Variants in LRP1B observed in about 807,000 individuals in gnomAD.
The protein encoded by LRP1B is LDL receptor related protein 1B, also known as low-density lipoprotein receptor-related protein 1B.
A neutral mutation model predicts 556.6 loss-of-function variants in LRP1B; 217 were observed. The observed-to-expected ratio is 0.39, with a 90% CI of 0.35 to 0.44. The LOEUF is 0.44. Among genes scored for constraint, LRP1B ranks in the 20% least tolerant of loss-of-function variants. The probability of loss-of-function intolerance (pLI) is 1.00; values close to 1 mark genes in which losing one functional copy is unlikely to be tolerated. For synonymous variants in LRP1B, 2,047 were observed against 1,865.8 expected (o/e 1.10, Z -2.50); for missense variants, 5,053 against 5,620.8 (o/e 0.90, Z 3.23).
chr2:142,058,656 A>G (rs1337875629), intron 1 of LRP1B, among the ~76,000 whole-genome samples: 2 of 151,824 alleles, frequency 1.3e-5, no homozygotes, highest in African/African-American at 4.8e-5. Context: ...ATGATTGGAC[A>G]CCCCTGCTTT....
chr2:140,905,901 G>A (rs193078018), intron 22 of LRP1B, among the ~76,000 whole-genome samples: 316 of 152,006 alleles, frequency 2.1e-3, no homozygotes, highest in African/African-American at 6.6e-3. Flanking sequence ...ATCTATTTTC[G>A]TTTGTTTCTT....
At chr2:140,617,869 ACTTT>A (rs1683313456) in intron 41 of LRP1B, among the ~76,000 whole-genome samples, 2 of 152,020 alleles carry the variant, frequency 1.3e-5, no homozygotes, top group Middle Eastern at 3.2e-3. Flanking sequence ...ACTGTTGAGA[ACTTT>A]CTTTCTATTC....
chr2:141,241,607 T>TC (rs1231610007), intron 5 of LRP1B, among the ~76,000 whole-genome samples: 3 of 152,024 alleles, frequency 2.0e-5, no homozygotes, highest in Non-Finnish European at 2.9e-5. Flanking sequence ...CTTTTATTGA[T>TC]CCCCAACATC....
intron 41 of LRP1B, among the ~76,000 whole-genome samples, chr2:140,668,012 C>T (rs960696675): frequency 3.9e-5 from 6 of 151,984 alleles, no homozygotes; most frequent in African/African-American, 1.5e-4. Context: ...CTTCTTGTAG[C>T]TTAGAATGTT....
chr2:140,320,621 A>G (rs990414587), intron 82 of LRP1B, among the ~76,000 whole-genome samples: 7 of 151,664 alleles, frequency 4.6e-5, no homozygotes, highest in Non-Finnish European at 1.0e-4. Context: ...GAGAATGGGT[A>G]CTTGCTATGT....
intron 3 of LRP1B, among the ~76,000 whole-genome samples, chr2:141,389,751 A>G (rs1389098498): frequency 1.3e-5 from 2 of 152,218 alleles, no homozygotes; most frequent in South Asian, 2.1e-4. Flanking sequence ...AGGCTCTAGT[A>G]TACAAAATAT....
At chr2:141,736,757 C>A (rs962452017) in intron 2 of LRP1B, among the ~76,000 whole-genome samples, 1 of 152,144 alleles carries the variant, frequency 6.6e-6, no homozygotes, top group Non-Finnish European at 1.5e-5. Context: ...ATTTGCATCA[C>A]CTTTTCTCAG....
chr2:141,410,915 A>G (rs1280143209), intron 3 of LRP1B, among the ~76,000 whole-genome samples: 2 of 151,966 alleles, frequency 1.3e-5, no homozygotes, highest in Admixed American at 1.3e-4. Context: ...TGGTGCTCCT[A>G]TTCTTGCTAT....
intron 76 of LRP1B, among the ~76,000 whole-genome samples, chr2:140,352,490 T>A (rs895533943): frequency 3.3e-5 from 5 of 152,114 alleles, no homozygotes; most frequent in Admixed American, 1.3e-4. Flanking sequence ...TTAATCTTTT[T>A]AAAAAATAAT....
At chr2:140,520,548 C>T (rs2200446) in intron 49 of LRP1B, among the ~76,000 whole-genome samples, 111,214 of 151,704 alleles carry the variant, frequency 0.73, 41,272 homozygotes, top group Middle Eastern at 0.89. Flanking sequence ...GGCACATGTA[C>T]ACATATGTAA....
intron 1 of LRP1B, among the ~76,000 whole-genome samples, chr2:142,007,359 G>A (rs562466628): frequency 1.3e-5 from 2 of 152,202 alleles, no homozygotes; most frequent in South Asian, 2.1e-4. Context: ...CTAAAATTTA[G>A]TGTCAAAGTT....
intron 2 of LRP1B, among the ~76,000 whole-genome samples, chr2:141,688,346 T>A (rs1306189945): frequency 1.3e-5 from 2 of 151,912 alleles, no homozygotes; most frequent in Non-Finnish European, 2.9e-5. Flanking sequence ...GTACCCTATA[T>A]GGACTTACAC....
intron 2 of LRP1B, among the ~76,000 whole-genome samples, chr2:141,797,879 T>C (rs1264194948): frequency 6.6e-6 from 1 of 152,130 alleles, no homozygotes; most frequent in Non-Finnish European, 1.5e-5. Flanking sequence ...ATTCTATAGG[T>C]AAACATCAAT....
chr2:141,084,672 CG>C (rs1700005274), intron 7 of LRP1B, among the ~76,000 whole-genome samples: 1 of 142,170 alleles, frequency 7.0e-6, no homozygotes, highest in Non-Finnish European at 1.5e-5. Context: ...TTTTTTCAGA[CG>C]GAGTCTCGCT....
rs1043437598 is a variant in LRP1B at position 141,031,684 on chromosome 2, C to A, written c.1790-11582G>T. Among the ~76,000 whole-genome samples, 3 of 151,710 alleles carry A rather than the reference C, an allele frequency of 2.0e-5. No individual in the cohort carries two copies. The South Asian group carries it at 6.2e-4, about 32-fold the overall frequency. ...AGAGACAACTTGTAGCACACTAGCC[C>A]CAAATAAGACACCATTTTATTCACG... On this transcript the variant is annotated intron_variant, in intron 11 of 90. Transcript: ENST00000389484.
At chr2:140,378,872 T>C (rs77518580) in intron 67 of LRP1B, among the ~76,000 whole-genome samples, 3,093 of 152,298 alleles carry the variant, frequency 0.02, 35 homozygotes, top group African/African-American at 0.028. Flanking sequence ...TGCACATTTG[T>C]TTATGCCATT....
intron 2 of LRP1B, among the ~76,000 whole-genome samples, chr2:141,643,110 T>C (rs1158034346): frequency 1.3e-5 from 2 of 152,192 alleles, no homozygotes; most frequent in African/African-American, 2.4e-5. Context: ...CTGAGAATTA[T>C]TAATTCGCTA....
chr2:141,147,009 G>A (rs1296079298), intron 7 of LRP1B, among the ~76,000 whole-genome samples: 1 of 152,140 alleles, frequency 6.6e-6, no homozygotes, highest in Non-Finnish European at 1.5e-5. Context: ...ACTAGCTTCT[G>A]GTTAAATTCA....
intron 7 of LRP1B, among the ~76,000 whole-genome samples, chr2:141,183,351 G>A (rs376384889): frequency 3.2e-4 from 48 of 152,116 alleles, no homozygotes; most frequent in South Asian, 1.2e-3. Flanking sequence ...TAACAACCCA[G>A]ATTAGAATTT....
Sources: gnomAD v4.1 joint callset for allele counts (sites outside exome capture counted in the v4.1 genomes callset) on GRCh38, gnomAD v4.1.1 for gene constraint, MANE v1.5 for transcripts, NCBI Gene and HGNC (gene_info 2026-07-23, HGNC 2026-07-21) for gene names.